Variants in KCTD1 observed in about 807,000 individuals in gnomAD.
KCTD1 encodes the protein potassium channel tetramerization domain containing 1, also known as BTB/POZ domain-containing protein KCTD1.
A neutral mutation model predicts 66.0 loss-of-function variants in KCTD1; 24 were observed. The ratio of observed to expected loss-of-function variants is 0.36; its 90% CI spans 0.26 to 0.51. The LOEUF (loss-of-function observed/expected upper bound fraction) is 0.51, where lower values mean the gene tolerates loss of function less well. Among genes scored for constraint, KCTD1 ranks in the 20% least tolerant of loss-of-function variants. The pLI is 0.95. For synonymous variants in KCTD1, 511 were observed against 517.2 expected, an observed-to-expected ratio of 0.99 and a Z score of 0.16; for missense variants, 943 against 1,205.2, an observed-to-expected ratio of 0.78 and a Z score of 3.22.
At chr18:26,527,938 T>G (rs1984251148) in intron 1 of KCTD1, among the ~76,000 whole-genome samples, 2 of 152,208 alleles carry the variant, frequency 1.3e-5, no homozygotes, top group Admixed American at 1.3e-4. Context: ...GAGCATCTAG[T>G]CTACTCAGGC....
chr18:26,641,205 C>T (rs1180119261), upstream of KCTD1, among the ~76,000 whole-genome samples: 3 of 152,152 alleles, frequency 2.0e-5, no homozygotes, highest in South Asian at 4.1e-4. Flanking sequence ...GTTCAAGTTC[C>T]CTGCCCCGCT....
At chr18:26,533,944 A>G (rs1279396173) in intron 1 of KCTD1, among the ~76,000 whole-genome samples, 3 of 152,138 alleles carry the variant, frequency 2.0e-5, no homozygotes, top group African/African-American at 7.2e-5. Context: ...CTAGATGACT[A>G]AGATATTTCT....
chr18:26,488,832 A>G (rs1216115061), intron 2 of KCTD1, among the ~76,000 whole-genome samples: 1 of 152,262 alleles, frequency 6.6e-6, no homozygotes, highest in Non-Finnish European at 1.5e-5. Context: ...GCAGGAAGCC[A>G]TTATCCAACG....
upstream of KCTD1, chr18:26,549,814 G>A: frequency 1.0e-6 from 1 of 985,426 alleles, no homozygotes; most frequent in South Asian, 4.7e-5. Context: ...AACTGGAAAA[G>A]CAGCCAAAGA....
chr18:26,641,957 G>A (rs1987842114), upstream of KCTD1, among the ~76,000 whole-genome samples: 1 of 152,124 alleles, frequency 6.6e-6, no homozygotes, highest in Non-Finnish European at 1.5e-5. Flanking sequence ...TAATTATACT[G>A]ACAATGGCAC....
intron 3 of KCTD1, among the ~76,000 whole-genome samples, chr18:26,473,867 T>C (rs1164203178): frequency 2.6e-5 from 4 of 152,196 alleles, no homozygotes; most frequent in Non-Finnish European, 5.9e-5. Flanking sequence ...ACACTCTCTC[T>C]ATTTTCTTGC....
chr18:26,650,464 A>G lies in KCTD1; in HGVS notation c.9+6896T>C, dbSNP rs1009008218. Among the ~76,000 whole-genome samples, 16 of 152,250 alleles carry G rather than the reference A, an allele frequency of 1.1e-4. 1 individual carries two copies. ...TCTGAGTGCTTATTTTGTGCTAGGC[A>G]TATACATCCTGTTACATCTCATTTT... On this transcript the variant is annotated intron_variant, in intron 1 of 4. Coordinates refer to the KCTD1 transcript ENST00000580191.
intron 1 of KCTD1, among the ~76,000 whole-genome samples, chr18:26,530,245 T>C (rs1214847152): frequency 1.3e-5 from 2 of 152,224 alleles, no homozygotes; most frequent in Admixed American, 6.5e-5. Flanking sequence ...CTGTCAACCC[T>C]ACACTTTGAA....
chr18:26,583,815 A>G (rs945069506), intron 1 of KCTD1, among the ~76,000 whole-genome samples: 3 of 152,212 alleles, frequency 2.0e-5, no homozygotes, highest in African/African-American at 7.2e-5. Context: ...TTCTTTCTCC[A>G]TCTGTCAAAA....
At chr18:26,456,252 A>C (rs1193967555) in intron 4 of KCTD1, 1 of 189,418 alleles carries the variant, frequency 5.3e-6, no homozygotes, top group African/African-American at 2.3e-5. Flanking sequence ...GTTTTTGTAT[A>C]TGCAATGCTG....
At chr18:26,515,075 T>C (rs1983583302) in intron 1 of KCTD1, among the ~76,000 whole-genome samples, 1 of 152,172 alleles carries the variant, frequency 6.6e-6, no homozygotes, top group East Asian at 1.9e-4. Flanking sequence ...TGGAGATATA[T>C]CTTAAAATAA....
chr18:26,586,915 C>T (rs557950310), intron 1 of KCTD1, among the ~76,000 whole-genome samples: 10 of 152,280 alleles, frequency 6.6e-5, no homozygotes, highest in African/African-American at 4.8e-5. Flanking sequence ...AAACCATCTC[C>T]GTAACATGAA....
At position 26,548,342 on chromosome 18, in the gene KCTD1, C is replaced by G; in HGVS notation, c.195G>C (p.Glu65Asp). 1 of 1,491,666 alleles carries G rather than the reference C, an allele frequency of 6.7e-7. No homozygotes were observed. The highest frequency in any genetic ancestry group is 8.9e-7 in the Non-Finnish European group (1 of 1,122,550). The allele number at this position is 1,491,666 out of a possible 1,614,324, so 92.4% of individuals were successfully genotyped here. Residue 65 changes from glutamate to aspartate, a missense_variant, in exon 1 of 5, where the codon GAG becomes GAC. Glu to Asp is a conservative substitution (Grantham distance 45). Around this residue, in one of 10 missense-constraint regions of KCTD1, gnomAD observed 236 missense variants for 206.6 expected, o/e 1.14. Coordinates refer to ENST00000580059, the MANE Select transcript of KCTD1 (RefSeq NM_001142730.3). Reference protein sequence around the residue: ...EEEEEEEEEDEIQEVQITGDE... With the variant: ...EEEEEEEEEDDIQEVQITGDE... The stretch of plus-strand genomic sequence containing the variant: ...CCCCCGTTATCTGCACCTCCTGGAT[C>G]TCGTCCTCCTCCTCCTCTTCCTCCT...
At chr18:26,641,787 T>C (rs533506062), upstream of KCTD1, among the ~76,000 whole-genome samples, 5 of 152,334 alleles carry the variant, frequency 3.3e-5, no homozygotes, top group East Asian at 9.6e-4. Flanking sequence ...ACAACTCTAA[T>C]GGCAGGTATC....
At chr18:26,656,879 C>G (rs1988160476) in intron 1 of KCTD1, among the ~76,000 whole-genome samples, 2 of 32,730 alleles carry the variant, frequency 6.1e-5, no homozygotes, top group South Asian at 2.0e-3. Context: ...AAGGGACGCG[C>G]GGGGCTCGGG....
In KCTD1 at chr18:26,548,161, C is replaced by A. The variant is rs1985347784; in HGVS notation, c.376G>T (p.Asp126Tyr). The A allele has an allele frequency of 6.8e-7, 1 of 1,465,380 alleles. No homozygotes were observed. Among genetic ancestry groups the A allele is most frequent in the African/African-American group, 1.4e-5 (1 of 69,292 alleles). 90.8% of individuals were successfully genotyped at this position (1,465,380 alleles called of 1,614,324 possible). Residue 126 changes from aspartate to tyrosine, a missense_variant, in exon 1 of 5, where the codon GAC becomes TAC. Coordinates refer to ENST00000580059, the MANE Select transcript of KCTD1 (RefSeq NM_001142730.3). Reference protein sequence around the residue: ...EPEPVHMINMDQSAALEPEAP... With the variant: ...EPEPVHMINMYQSAALEPEAP... Reference sequence around the variant, plus strand: ...TCGGGCTCCAGCGCGGCGCTCTGGTCCATATTGATCATATGGACCGGCTCG... The same window carrying A: ...TCGGGCTCCAGCGCGGCGCTCTGGTACATATTGATCATATGGACCGGCTCG...
At chr18:26,562,129 A>G (rs1196965194) in intron 1 of KCTD1, among the ~76,000 whole-genome samples, 1 of 152,176 alleles carries the variant, frequency 6.6e-6, no homozygotes, top group African/African-American at 2.4e-5. Context: ...GAAAGGCACC[A>G]CAATTCACCC....
intron 1 of KCTD1, among the ~76,000 whole-genome samples, chr18:26,560,967 T>C (rs1985833556): frequency 6.6e-6 from 1 of 152,216 alleles, no homozygotes; most frequent in Non-Finnish European, 1.5e-5. Context: ...TCTTGAAGCA[T>C]TGTTTATAAT....
At chr18:26,595,633 G>A (rs1179124537) in intron 1 of KCTD1, among the ~76,000 whole-genome samples, 1 of 152,162 alleles carries the variant, frequency 6.6e-6, no homozygotes, top group Non-Finnish European at 1.5e-5. Context: ...CCTGCATTGT[G>A]CCACCACCAC....
Sources: allele counts gnomAD v4.1 joint callset (sites outside exome capture counted in the v4.1 genomes callset), GRCh38; gene constraint gnomAD v4.1.1; regional missense constraint gnomAD v4.1.1; transcripts MANE v1.5; gene names NCBI Gene and HGNC (gene_info 2026-07-23, HGNC 2026-07-21).